ZMIZ1: variants seen among roughly 807,000 people sequenced by gnomAD.
The protein encoded by ZMIZ1 is zinc finger MIZ domain-containing protein 1.
A neutral mutation model predicts 113.9 loss-of-function variants in ZMIZ1; 17 were observed. That is an observed-to-expected ratio of 0.15 (90% CI 0.10 to 0.22). ZMIZ1 has a LOEUF of 0.22. Among genes scored for constraint, ZMIZ1 ranks in the 10% least tolerant of loss-of-function variants. The pLI is 1.00. For missense variants in ZMIZ1, 1,059 were observed against 1,477.8 expected (o/e 0.72, Z 4.65); for synonymous variants, 607 against 603.1 (o/e 1.01, Z -0.09).
Position 79,311,178 on chromosome 10 carries a change from G to T in ZMIZ1, c.3090G>T (p.Ser1030=). 1 of 1,609,890 alleles carries T rather than the reference G, an allele frequency of 6.2e-7. No homozygotes were observed. The highest frequency in any genetic ancestry group is 8.5e-7 in the Non-Finnish European group (1 of 1,177,760). The change falls in exon 24 of 25, where the codon TCG becomes TCT. Residue 1030 remains serine, a synonymous_variant. Coordinates refer to ENST00000334512, the MANE Select transcript of ZMIZ1 (RefSeq NM_020338.4). ...AQGASDMPEP[S]LDLLPELTNP... is the part of the protein sequence containing the mutation. Reference sequence around the variant, plus strand: ...GAGCGTCCGACATGCCGGAGCCTTCGCTGGATGTAAGTTGGGGTCGCCACT... The same window carrying T: ...GAGCGTCCGACATGCCGGAGCCTTCTCTGGATGTAAGTTGGGGTCGCCACT...
At chr10:79,257,244 T>C (rs140928971) in intron 7 of ZMIZ1, among the ~76,000 whole-genome samples, 1 of 152,332 alleles carries the variant, frequency 6.6e-6, no homozygotes, top group Non-Finnish European at 1.5e-5. Context: ...GCCCTCAGAT[T>C]CCTGGTGACA....
At chr10:79,195,812 T>C (rs1450524069) in intron 4 of ZMIZ1, among the ~76,000 whole-genome samples, 1 of 152,148 alleles carries the variant, frequency 6.6e-6, no homozygotes, top group African/African-American at 2.4e-5. Flanking sequence ...AACAGCACAT[T>C]AACAGCTGGA....
At chr10:79,298,650 G>C (rs559517995) in intron 15 of ZMIZ1, 70 bp downstream of exon 15, 2 of 1,408,758 alleles carry the variant, frequency 1.4e-6, no homozygotes, top group African/African-American at 1.5e-5. Flanking sequence ...CAGGGGCTTC[G>C]CAGTCAGGCT....
At chr10:79,148,621 C>T (rs1845587625) in intron 3 of ZMIZ1, among the ~76,000 whole-genome samples, 1 of 149,600 alleles carries the variant, frequency 6.7e-6, no homozygotes, top group Non-Finnish European at 1.5e-5. Flanking sequence ...ATGCCACCTA[C>T]AACTGAATGT....
chr10:79,243,963 C>T (rs912645500), intron 7 of ZMIZ1, among the ~76,000 whole-genome samples: 1 of 152,258 alleles, frequency 6.6e-6, no homozygotes, highest in Admixed American at 6.5e-5. Flanking sequence ...GCCTTCATTT[C>T]TCTTTGGGGC....
At position 79,314,539 on chromosome 10, in the gene ZMIZ1, T is replaced by A. The variant is rs1855414871; in HGVS notation, c.*1790T>A. The A allele has an allele frequency of 3.6e-6, 1 of 274,450 alleles. No homozygotes were observed. 17.0% of individuals were successfully genotyped at this position (274,450 alleles called of 1,614,324 possible). On this transcript the variant is annotated 3_prime_UTR_variant, in exon 25 of 25. Coordinates refer to ENST00000334512, the MANE Select transcript of ZMIZ1 (RefSeq NM_020338.4). ...GCGTGTTGTTCAGTATGCAAATCAA[T>A]TATTTTAAGAATCGCTTTTGTAAAT...
chr10:79,083,251 TG>T (rs1367535229), intron 1 of ZMIZ1, among the ~76,000 whole-genome samples: 10 of 152,216 alleles, frequency 6.6e-5, no homozygotes, highest in African/African-American at 2.4e-4. Flanking sequence ...CTGAAGAGGC[TG>T]CATTTGAGCA....
At chr10:79,251,074 G>T (rs1589490061) in intron 7 of ZMIZ1, among the ~76,000 whole-genome samples, 1 of 152,260 alleles carries the variant, frequency 6.6e-6, no homozygotes, top group East Asian at 1.9e-4. Context: ...AGGAGGTGAA[G>T]ACTGGGCACT....
intron 7 of ZMIZ1, among the ~76,000 whole-genome samples, chr10:79,221,228 C>T (rs1378696584): frequency 6.6e-6 from 1 of 152,032 alleles, no homozygotes; most frequent in Non-Finnish European, 1.5e-5. Flanking sequence ...GTGAGCCGGC[C>T]GTGGTGCAGG....
intron 3 of ZMIZ1, among the ~76,000 whole-genome samples, chr10:79,158,569 G>A (rs983144209): frequency 9.2e-5 from 14 of 152,194 alleles, no homozygotes; most frequent in Admixed American, 8.5e-4. Flanking sequence ...CTACTTAGCC[G>A]CAGCCCTGGA....
Position 79,138,923 on chromosome 10 carries a change from T to G in ZMIZ1, c.-226-759T>G, listed in dbSNP as rs1845140309. Among the ~76,000 whole-genome samples, 7 of 152,200 alleles carry G rather than the reference T, an allele frequency of 4.6e-5. No individual in the cohort carries two copies. The South Asian group carries it at 1.4e-3, about 31-fold the overall frequency. On this transcript the variant is annotated intron_variant, in intron 2 of 24. Transcript: ENST00000334512. ...AGTGAGTGGAAGGTGAACATTAAAT[T>G]AAGTCATCACACAGGTAGATCTCAG...
Position 79,305,231 on chromosome 10 carries a change from A to G in ZMIZ1, c.2354A>G (p.Asn785Ser). 1 of 1,613,812 alleles carries G rather than the reference A, an allele frequency of 6.2e-7. No homozygotes were observed. The highest frequency in any genetic ancestry group is 8.5e-7 in the Non-Finnish European group (1 of 1,179,924). ...ERGTWRCPVC[N>S]KTALLEGLEV... ...GGGACCTGGAGGTGTCCTGTGTGCA[A>G]GTGAGTGATGCCCACCCCGGTGGGG... The change falls in exon 20 of 25, where the codon AAT (asparagine) becomes AGT (serine). Residue 785 changes from asparagine to serine, a missense_variant and splice_region_variant. Transcript: ENST00000334512.
chr10:79,189,443 C>T (rs901589956), intron 4 of ZMIZ1, among the ~76,000 whole-genome samples: 5 of 152,238 alleles, frequency 3.3e-5, no homozygotes, highest in Non-Finnish European at 7.3e-5. Context: ...CAGGGCGAGG[C>T]TAAGTTTCCT....
At chr10:79,226,311 C>T (rs1849198532) in intron 7 of ZMIZ1, among the ~76,000 whole-genome samples, 1 of 152,126 alleles carries the variant, frequency 6.6e-6, no homozygotes, top group East Asian at 1.9e-4. Flanking sequence ...TCACCAGGGA[C>T]TCAGTGGTGC....
chr10:79,273,500 G>A (rs1465109158), intron 7 of ZMIZ1, among the ~76,000 whole-genome samples: 1 of 152,204 alleles, frequency 6.6e-6, no homozygotes, highest in African/African-American at 2.4e-5. Context: ...TGAGATTAGA[G>A]GCGCTGGCTA....
intron 1 of ZMIZ1, among the ~76,000 whole-genome samples, chr10:79,098,072 C>T (rs1483322664): frequency 6.6e-6 from 1 of 152,166 alleles, no homozygotes; most frequent in Non-Finnish European, 1.5e-5. Flanking sequence ...TGATGGAAGT[C>T]TGGGGCTTGG....
chr10:79,306,170 C>A lies in ZMIZ1; in HGVS notation c.2494C>A (p.His832Asn), dbSNP rs1224105991. The change falls in exon 22 of 25, where the codon CAC (histidine) becomes AAC (asparagine). Residue 832 changes from histidine to asparagine, a missense_variant. By Grantham distance (68) the His-to-Asn change is moderately conservative. Coordinates refer to ENST00000334512, the MANE Select transcript of ZMIZ1 (RefSeq NM_020338.4). ...WRPVPIKSDL[H>N]IKDDPDGIPS... ...GCCGGTGCCCATCAAGTCGGACTTA[C>A]ACATCAAGGACGACCCTGATGGCAT... is the stretch of plus-strand genomic sequence containing the variant. 15 of 1,614,122 alleles carry A rather than the reference C, an allele frequency of 9.3e-6. No individual in the cohort carries two copies. The East Asian group carries it at 2.9e-4, about 31-fold the overall frequency.
chr10:79,305,106 A>T, intron 19 of ZMIZ1, 58 bp from the exon 20 acceptor site: 1 of 1,596,708 alleles, frequency 6.3e-7, no homozygotes, highest in Non-Finnish European at 8.6e-7. Flanking sequence ...TCCCTGAGGC[A>T]CATCTAGGCA....
intron 5 of ZMIZ1, among the ~76,000 whole-genome samples, chr10:79,202,769 C>T (rs1848155900): frequency 6.6e-6 from 1 of 152,228 alleles, no homozygotes; most frequent in Non-Finnish European, 1.5e-5. Context: ...TGGCAGCTTC[C>T]CTGCACAGAC....
Sources: gnomAD v4.1 joint callset for allele counts (sites outside exome capture counted in the v4.1 genomes callset) on GRCh38, gnomAD v4.1.1 for gene constraint, MANE v1.5 for transcripts, NCBI Gene and HGNC (gene_info 2026-07-23, HGNC 2026-07-21) for gene names.